The following ABCC1 variants were observed in gnomAD, a reference collection of about 807,000 sequenced individuals.
ABCC1 encodes the protein multidrug resistance-associated protein 1.
A neutral mutation model predicts 172.9 loss-of-function variants in ABCC1; 83 were observed. The ratio of observed to expected loss-of-function variants is 0.48; its 90% CI spans 0.40 to 0.58. ABCC1 has a LOEUF of 0.58. Ranked by LOEUF, ABCC1 falls within the 20% of genes least tolerant of loss-of-function variation. The pLI, the probability that ABCC1 is intolerant of heterozygous loss-of-function variation, is 0.00. For synonymous variants in ABCC1, 937 were observed against 825.2 expected, an observed-to-expected ratio of 1.14 and a Z score of -2.32; for missense variants, 1,817 against 2,002.7, an observed-to-expected ratio of 0.91 and a Z score of 1.77.
chr16:15,953,147 C>G (rs2045915893), intron 1 of ABCC1, among the ~76,000 whole-genome samples: 1 of 152,048 alleles, frequency 6.6e-6, no homozygotes, highest in Non-Finnish European at 1.5e-5. Flanking sequence ...ACCAGCCTGA[C>G]CAACATGGCA....
At chr16:15,968,122 A>G (rs2046288142) in intron 1 of ABCC1, among the ~76,000 whole-genome samples, 1 of 151,906 alleles carries the variant, frequency 6.6e-6, no homozygotes, top group South Asian at 2.1e-4. Flanking sequence ...CCACCTCCCA[A>G]GTTCAAGTGA....
At chr16:16,032,643 G>T (rs2048598052) in intron 5 of ABCC1, among the ~76,000 whole-genome samples, 1 of 152,134 alleles carries the variant, frequency 6.6e-6, no homozygotes, top group Non-Finnish European at 1.5e-5. Context: ...CATAGTAGAT[G>T]GTCAATAAAT....
chr16:16,035,090 T>C (rs1036644565), intron 6 of ABCC1, among the ~76,000 whole-genome samples: 4 of 152,166 alleles, frequency 2.6e-5, no homozygotes, highest in African/African-American at 9.7e-5. Context: ...CATGAAAGTA[T>C]TTTACCTTTT....
intron 1 of ABCC1, among the ~76,000 whole-genome samples, chr16:16,006,423 A>G (rs2047533471): frequency 1.1e-5 from 1 of 94,698 alleles, no homozygotes; most frequent in Non-Finnish European, 2.7e-5. Flanking sequence ...ATTTCAAAAA[A>G]AGAAAAAAAA....
At chr16:16,106,527 G>A (rs770231229) in intron 20 of ABCC1, 8 of 541,332 alleles carry the variant, frequency 1.5e-5, no homozygotes, top group Non-Finnish European at 2.2e-5. Flanking sequence ...TCCTGCCTGA[G>A]ACACTGCCTT....
intron 12 of ABCC1, among the ~76,000 whole-genome samples, chr16:16,067,509 A>G (rs775876141): frequency 2.2e-4 from 33 of 152,260 alleles, no homozygotes; most frequent in Non-Finnish European, 3.8e-4. Flanking sequence ...AACACCCTAC[A>G]TAAGTGCCAA....
intron 7 of ABCC1, among the ~76,000 whole-genome samples, chr16:16,039,231 G>GTGTA (rs1294017870): frequency 1.4e-5 from 2 of 141,844 alleles, no homozygotes; most frequent in African/African-American, 2.8e-5. Context: ...GTGTGTGTGT[G>GTGTA]TGTATGTATG....
At chr16:16,129,863 A>G (rs966465095) in intron 26 of ABCC1, among the ~76,000 whole-genome samples, 2 of 152,120 alleles carry the variant, frequency 1.3e-5, no homozygotes, top group African/African-American at 4.8e-5. Flanking sequence ...GCACGTCCAC[A>G]AAAGGGCTGC....
intron 23 of ABCC1, among the ~76,000 whole-genome samples, chr16:16,117,252 C>T (rs1269813405): frequency 2.0e-5 from 3 of 152,168 alleles, no homozygotes; most frequent in Middle Eastern, 3.2e-3. Flanking sequence ...ACATGTCCTT[C>T]TTCACATGGC....
intron 4 of ABCC1, among the ~76,000 whole-genome samples, chr16:16,015,591 C>T (rs187208989): frequency 2.2e-3 from 330 of 152,348 alleles, no homozygotes; most frequent in Non-Finnish European, 3.8e-3. Flanking sequence ...TGATTGAGTT[C>T]ATGTTTTCAA....
intron 20 of ABCC1, among the ~76,000 whole-genome samples, chr16:16,103,905 G>A (rs565761156): frequency 6.6e-6 from 1 of 152,288 alleles, no homozygotes; most frequent in East Asian, 1.9e-4. Flanking sequence ...CTTAAAGGTG[G>A]CACGTCTGGG....
intron 20 of ABCC1, among the ~76,000 whole-genome samples, 185 bp downstream of exon 20, chr16:16,102,902 T>A (rs755494738): frequency 1.4e-4 from 22 of 152,176 alleles, no homozygotes; most frequent in Non-Finnish European, 2.9e-4. Flanking sequence ...AATGTGGCAC[T>A]CTTTTTGCCA....
Position 16,090,406 on chromosome 16 carries a change from C to T in ABCC1, c.2462C>T (p.Thr821Met), listed in dbSNP as rs1358799070. ...IGPKGMLKNK[T>M]RILVTHSMSY... ...GCCGGGTGTCCCCTTTGCCCACAGA[C>T]GCGGATCTTGGTCACGCACAGCATG... is the stretch of plus-strand genomic sequence containing the variant. Residue 821 changes from threonine (T) to methionine (M), a missense_variant and splice_region_variant, in exon 19 of 31, where the codon ACG (threonine) becomes ATG (methionine). Thr to Met is a moderately conservative substitution (Grantham distance 81). Around this residue, in one of 3 missense-constraint regions of ABCC1, gnomAD observed 1,412 missense variants for 1,600.3 expected, o/e 0.88. Transcript: ENST00000399410. The T allele has an allele frequency of 1.6e-5, 26 of 1,589,412 alleles. No individual in the cohort carries two copies. Among genetic ancestry groups the T allele is most frequent in the Non-Finnish European group, 2.2e-5 (26 of 1,164,480 alleles).
At chr16:16,141,151 G>A in intron 30 of ABCC1, 22 bp from the exon 31 acceptor site, 1 of 1,610,906 alleles carries the variant, frequency 6.2e-7, no homozygotes, top group Non-Finnish European at 8.5e-7. Context: ...TTCCCCTCAT[G>A]TCTGTATCCC....
chr16:16,118,370 G>A (rs1052786935), intron 23 of ABCC1, among the ~76,000 whole-genome samples: 1 of 150,842 alleles, frequency 6.6e-6, no homozygotes, highest in African/African-American at 2.4e-5. Flanking sequence ...TGGAATCAGA[G>A]AGAGTAGGTC....
intron 19 of ABCC1, among the ~76,000 whole-genome samples, chr16:16,096,099 TCTACTA>T (rs1329252317): frequency 1.3e-5 from 2 of 152,002 alleles, no homozygotes; most frequent in African/African-American, 4.8e-5. Flanking sequence ...AAACCCCATC[TCTACTA>T]AAAATACAGA....
Position 16,136,525 on chromosome 16 carries a change from C to T in ABCC1, c.4173C>T (p.Phe1391=). Residue 1391 remains phenylalanine (F), a synonymous_variant, in exon 29 of 31, where the codon TTC becomes TTT. Transcript: ENST00000399410. ...SGSLRMNLDP[F]SQYSDEEVWT... ...CCCTCCGAATGAACCTGGACCCATT[C>T]AGCCAGTACTCGGATGAAGAAGTCT... 6.2e-7 allele frequency: 1 copy of T among 1,614,180 alleles called. No homozygotes were observed. Among genetic ancestry groups the T allele is most frequent in the Non-Finnish European group, 8.5e-7 (1 of 1,180,024 alleles).
rs371580936 is a variant in ABCC1, at chr16:16,037,753, G to A, written c.809+1150G>A. The stretch of plus-strand genomic sequence containing the variant: ...GGGGTTCTGTTCCTCATTCTATTCC[G>A]GGGATGCCCAGGATACAGGCCTTCA... On this transcript the variant is annotated intron_variant, in intron 7 of 30. Coordinates refer to ENST00000399410, the MANE Select transcript of ABCC1 (RefSeq NM_004996.4). 3.9e-5 allele frequency among the ~76,000 whole-genome samples: 6 copies of A among 152,282 alleles called. No homozygotes were observed. The South Asian group carries it at 1.2e-3, about 32-fold the overall frequency.
chr16:15,997,817 TTTTTTTTTTTC>T (rs901147025), intron 1 of ABCC1, among the ~76,000 whole-genome samples: 3 of 137,972 alleles, frequency 2.2e-5, no homozygotes, highest in Non-Finnish European at 3.1e-5. Flanking sequence ...TTTTTTTTTT[TTTTTTTTTTTC>T]CCTGAGACAG....
Sources: gnomAD v4.1 joint callset for allele counts (sites outside exome capture counted in the v4.1 genomes callset) on GRCh38, gnomAD v4.1.1 for gene constraint, gnomAD v4.1.1 regional missense constraint, MANE v1.5 for transcripts, NCBI Gene and HGNC (gene_info 2026-07-23, HGNC 2026-07-21) for gene names.